The following CCSER1 variants were observed in gnomAD, a reference collection of about 807,000 sequenced individuals.
The protein encoded by CCSER1 is coiled-coil serine rich protein 1, also known as serine-rich coiled-coil domain-containing protein 1.
Under a neutral mutation model 82.0 loss-of-function variants are expected in CCSER1, and 41 were observed. That is an observed-to-expected ratio of 0.50 (90% CI 0.39 to 0.65). The LOEUF (loss-of-function observed/expected upper bound fraction) is 0.65. Ranked by LOEUF, CCSER1 falls within the 30% of genes least tolerant of loss-of-function variation. The probability of loss-of-function intolerance (pLI) is 0.00; values close to 1 mark genes in which losing one functional copy is unlikely to be tolerated. For synonymous variants in CCSER1, 414 were observed against 383.9 expected (o/e 1.08, Z -0.92); for missense variants, 1,119 against 1,064.2 (o/e 1.05, Z -0.72).
intron 5 of CCSER1, among the ~76,000 whole-genome samples, chr4:90,521,199 A>C (rs1296828747): frequency 1.3e-5 from 2 of 152,180 alleles, no homozygotes; most frequent in Non-Finnish European, 2.9e-5. Flanking sequence ...TGCCTAACAT[A>C]TATCAAATGT....
chr4:90,839,721 G>A (rs529000318), intron 8 of CCSER1, among the ~76,000 whole-genome samples: 1 of 152,266 alleles, frequency 6.6e-6, no homozygotes, highest in Admixed American at 6.5e-5. Context: ...AGTAGTTAAG[G>A]CACTTCTGTT....
At chr4:90,278,894 A>G (rs570594859) in intron 1 of CCSER1, among the ~76,000 whole-genome samples, 2 of 152,212 alleles carry the variant, frequency 1.3e-5, no homozygotes, top group South Asian at 4.1e-4. Flanking sequence ...GCTCTCTTTC[A>G]TTGGTTGTTG....
At chr4:90,548,747 TATAC>T (rs981663634) in intron 5 of CCSER1, among the ~76,000 whole-genome samples, 15 of 143,326 alleles carry the variant, frequency 1.0e-4, no homozygotes, top group African/African-American at 4.0e-4. Context: ...TATATATATA[TATAC>T]ACACACACAC....
In CCSER1 at chr4:91,603,629, A is replaced by G. The variant is rs955543235; in HGVS notation, c.*4572A>G. 1.3e-5 allele frequency: 2 copies of G among 152,118 alleles called. No homozygotes were observed. The highest frequency in any genetic ancestry group is 4.8e-5 in the African/African-American group (2 of 41,442). The allele number at this position is 152,118 out of a possible 1,614,324, so 9.4% of individuals were successfully genotyped here. On this transcript the variant is annotated 3_prime_UTR_variant, in exon 11 of 11. Transcript: ENST00000509176. ...ACTTCTCCAATTTAATACGACATAC[A>G]TACTTCTTCCACCTGAACATAAAAT...
chr4:90,596,918 A>G (rs1783410411), intron 5 of CCSER1, among the ~76,000 whole-genome samples: 1 of 151,966 alleles, frequency 6.6e-6, no homozygotes, highest in African/African-American at 2.4e-5. Context: ...GGATATTATC[A>G]AGAAAAGACA....
At chr4:90,540,209 A>T (rs910322039) in intron 5 of CCSER1, among the ~76,000 whole-genome samples, 2 of 152,176 alleles carry the variant, frequency 1.3e-5, no homozygotes, top group Non-Finnish European at 2.9e-5. Flanking sequence ...ATTCAACTTA[A>T]CATAGAAAAA....
At chr4:91,180,248 T>G (rs2149027791) in intron 10 of CCSER1, among the ~76,000 whole-genome samples, 1 of 152,314 alleles carries the variant, frequency 6.6e-6, no homozygotes, top group South Asian at 2.1e-4. Context: ...GTTAGGCTAC[T>G]CAGGGGTCAG....
At chr4:90,813,671 C>T (rs12503213) in intron 7 of CCSER1, among the ~76,000 whole-genome samples, 93,524 of 152,026 alleles carry the variant, frequency 0.62, 29,119 homozygotes, top group African/African-American at 0.71. Context: ...ATGTAAGTAG[C>T]ATCTTTCACC....
At chr4:90,468,101 G>A in intron 4 of CCSER1, 133 bp from the exon 5 acceptor site, 1 of 812,398 alleles carries the variant, frequency 1.2e-6, no homozygotes, top group East Asian at 3.0e-5. Context: ...AAATATTTAA[G>A]GATAATTTAA....
intron 8 of CCSER1, among the ~76,000 whole-genome samples, chr4:90,909,719 T>G (rs906295871): frequency 1.3e-5 from 2 of 152,186 alleles, no homozygotes; most frequent in Admixed American, 1.3e-4. Flanking sequence ...TAGCTTTACC[T>G]TATTGGTAAG....
intron 8 of CCSER1, among the ~76,000 whole-genome samples, chr4:90,856,538 T>G: frequency 6.6e-6 from 1 of 152,092 alleles, no homozygotes; most frequent in East Asian, 1.9e-4. Context: ...TTCCCCTGGG[T>G]TCAGATGCTA....
At chr4:91,149,125 A>T (rs1488425800) in intron 10 of CCSER1, among the ~76,000 whole-genome samples, 1 of 152,180 alleles carries the variant, frequency 6.6e-6, no homozygotes, top group Admixed American at 6.6e-5. Flanking sequence ...CTATTCCTCC[A>T]CATCCTCTCC....
chr4:91,314,497 G>A (rs969763743), intron 10 of CCSER1, among the ~76,000 whole-genome samples: 17 of 151,896 alleles, frequency 1.1e-4, no homozygotes, highest in African/African-American at 3.9e-4. Context: ...ACTCACCATT[G>A]TCTACAAAAT....
In CCSER1 at chr4:90,777,632, T is replaced by G. The variant is rs1230911404; in HGVS notation, c.2011-38130T>G. ...TTTAACTTTCTCAGTTTCAGTTTTA[T>G]TATCTGTACAATATAGATATTAATA... On this transcript the variant is annotated intron_variant, in intron 7 of 10. Transcript: ENST00000509176. Among the ~76,000 whole-genome samples, 6 of 152,158 alleles carry G rather than the reference T, an allele frequency of 3.9e-5. No individual in the cohort carries two copies. In the East Asian group the frequency reaches 1.2e-3, roughly 29 times the overall value.
chr4:91,228,759 A>C (rs1356499887), intron 10 of CCSER1, among the ~76,000 whole-genome samples: 1 of 152,120 alleles, frequency 6.6e-6, no homozygotes, highest in East Asian at 1.9e-4. Context: ...ACAAGAAAAA[A>C]TATTTACAAA....
At chr4:91,498,414 G>A (rs1187430866) in intron 10 of CCSER1, among the ~76,000 whole-genome samples, 1 of 151,106 alleles carries the variant, frequency 6.6e-6, no homozygotes, top group Non-Finnish European at 1.5e-5. Flanking sequence ...GTAGTTGATA[G>A]AAAATCACTC....
Position 91,385,963 on chromosome 4 carries a change from TAC to T in CCSER1, c.2218-212597_2218-212596del, listed in dbSNP as rs565793280. On this transcript the variant is annotated intron_variant, in intron 10 of 10. Transcript: ENST00000509176. Reference sequence around the variant, plus strand: ...GTGTATATCCATGTGTATTTATACATACACACACACACATACATATATATGTA... The same window carrying T: ...GTGTATATCCATGTGTATTTATACATACACACACACATACATATATATGTA... 1.3e-3 allele frequency among the ~76,000 whole-genome samples: 191 copies of T among 151,750 alleles called. 1 individual carries two copies. Among genetic ancestry groups the T allele is most frequent in the African/African-American group, 3.8e-3 (157 of 41,444 alleles).
chr4:90,219,066 C>T (rs927671623), intron 1 of CCSER1, among the ~76,000 whole-genome samples: 1 of 152,056 alleles, frequency 6.6e-6, no homozygotes, highest in Non-Finnish European at 1.5e-5. Context: ...TTTTAGAAGG[C>T]TAATTCTGGC....
chr4:90,842,344 G>A (rs1313019846), intron 8 of CCSER1, among the ~76,000 whole-genome samples: 2 of 152,146 alleles, frequency 1.3e-5, no homozygotes, highest in Admixed American at 6.6e-5. Context: ...TCTTGATTGG[G>A]TGAGTTCTAT....
Sources: gnomAD v4.1 joint callset for allele counts (sites outside exome capture counted in the v4.1 genomes callset) on GRCh38, gnomAD v4.1.1 for gene constraint, MANE v1.5 for transcripts, NCBI Gene and HGNC (gene_info 2026-07-23, HGNC 2026-07-21) for gene names.